SYNE2: variants seen among roughly 807,000 people sequenced by gnomAD.
The protein encoded by SYNE2 is nesprin-2.
Under a neutral mutation model 856.3 loss-of-function variants are expected in SYNE2, and 431 were observed. The observed-to-expected ratio is 0.50, with a 90% CI of 0.47 to 0.55. The LOEUF is 0.55. SYNE2 is among the 20% of genes least tolerant of loss of function. SYNE2 has a pLI of 0.00. For missense variants in SYNE2, 8,129 were observed against 8,023.2 expected (o/e 1.01, Z -0.50); for synonymous variants, 2,923 against 2,872.3 (o/e 1.02, Z -0.56).
intron 11 of SYNE2, among the ~76,000 whole-genome samples, chr14:63,976,162 G>A (rs2153465388): frequency 6.6e-6 from 1 of 152,230 alleles, no homozygotes; most frequent in Non-Finnish European, 1.5e-5. Context: ...GAGGGAAGAA[G>A]TTATAAATCT....
chr14:64,074,389 A>C (rs991085096), intron 53 of SYNE2, among the ~76,000 whole-genome samples: 3 of 152,210 alleles, frequency 2.0e-5, no homozygotes, highest in African/African-American at 7.2e-5. Flanking sequence ...GCCTTCTTTC[A>C]ACTATGTTTC....
intron 2 of SYNE2, among the ~76,000 whole-genome samples, chr14:63,913,495 C>G (rs949987690): frequency 6.9e-6 from 1 of 144,426 alleles, no homozygotes; most frequent in African/African-American, 2.6e-5. Context: ...CAGAATCTTG[C>G]TCTGTCACCC....
intron 1 of SYNE2, among the ~76,000 whole-genome samples, chr14:63,879,564 G>T (rs1196885293): frequency 2.6e-5 from 4 of 152,252 alleles, no homozygotes. Flanking sequence ...GGGTGGGAAA[G>T]CCGATCTGGC....
intron 98 of SYNE2, 106 bp from the exon 99 acceptor site, chr14:64,189,964 AT>A (rs11423254): frequency 0.14 from 163,734 of 1,142,200 alleles, 2 homozygotes; most frequent in Non-Finnish European, 0.15. Context: ...TGCCTGGCCA[AT>A]TTTTTTTTTT....
At chr14:63,956,688 T>A (rs952691130) in intron 8 of SYNE2, among the ~76,000 whole-genome samples, 1 of 152,106 alleles carries the variant, frequency 6.6e-6, no homozygotes, top group Non-Finnish European at 1.5e-5. Flanking sequence ...TTGAAAATAT[T>A]TGGAAAAAAA....
Position 63,990,925 on chromosome 14 carries a change from AT to A in SYNE2, c.2473-10del. On this transcript the variant is annotated splice_polypyrimidine_tract_variant and intron_variant, in intron 20 of 115. Transcript: ENST00000555002. ...AATTGGTCCCCGTGTTAATTTGAGA[AT>A]TTTTTTGTCTTCAAGATCAATGTGG... 3 of 1,612,626 alleles carry A rather than the reference AT, an allele frequency of 1.9e-6. No individual in the cohort carries two copies. The highest frequency in any genetic ancestry group is 2.5e-6 in the Non-Finnish European group (3 of 1,178,794).
At chr14:64,214,808 C>T (rs918783339) in intron 106 of SYNE2, among the ~76,000 whole-genome samples, 8 of 152,146 alleles carry the variant, frequency 5.3e-5, no homozygotes, top group African/African-American at 9.7e-5. Flanking sequence ...GGTGCGACCA[C>T]GGCTCATTGC....
In SYNE2 at chr14:64,225,499, G is replaced by A. The variant is rs2098715197; in HGVS notation, c.20697G>A (p.Arg6899=). The part of the protein sequence containing the change: ...NFARSFYPML[R]YTNGPPPT ...CCCGGTCCTTTTACCCCATGCTGAG[G>A]TACACCAATGGGCCACCCCCCACAT... is the stretch of plus-strand genomic sequence containing the variant. The change falls in exon 116 of 116, where the codon AGG becomes AGA. Residue 6899 remains arginine, a synonymous_variant. Coordinates refer to ENST00000555002, the MANE Select transcript of SYNE2 (RefSeq NM_182914.3). 4 of 1,614,064 alleles carry A rather than the reference G, an allele frequency of 2.5e-6. No individual in the cohort carries two copies. The East Asian group carries it at 6.7e-5, about 27-fold the overall frequency.
chr14:63,791,724 A>G (rs192499953), intron 1 of SYNE2, among the ~76,000 whole-genome samples: 1 of 152,196 alleles, frequency 6.6e-6, no homozygotes, highest in East Asian at 1.9e-4. Flanking sequence ...TGGGAGGATC[A>G]TGAGGTCAGG....
chr14:63,889,369 TGTG>T (rs988996127), intron 1 of SYNE2, among the ~76,000 whole-genome samples: 1 of 152,122 alleles, frequency 6.6e-6, no homozygotes, highest in African/African-American at 2.4e-5. Flanking sequence ...CTGGCTCTGT[TGTG>T]GTGGTGGTGT....
intron 82 of SYNE2, among the ~76,000 whole-genome samples, 163 bp downstream of exon 82, chr14:64,142,251 C>G (rs893692206): frequency 3.3e-5 from 5 of 152,130 alleles, no homozygotes; most frequent in Admixed American, 2.6e-4. Flanking sequence ...AGTAGACTTG[C>G]TTTTGTTCCA....
intron 1 of SYNE2, among the ~76,000 whole-genome samples, chr14:63,877,554 T>C (rs988421777): frequency 2.6e-5 from 4 of 152,194 alleles, no homozygotes; most frequent in Non-Finnish European, 5.9e-5. Flanking sequence ...ATCTCTACAT[T>C]TTAATACTGT....
chr14:64,110,423 G>A (rs2097796535), intron 65 of SYNE2, among the ~76,000 whole-genome samples: 1 of 152,180 alleles, frequency 6.6e-6, no homozygotes, highest in Non-Finnish European at 1.5e-5. Flanking sequence ...ATTCCAAAGT[G>A]TAGTGAAAGC....
At chr14:63,970,651 C>CTTTTTTTTT (rs61126600) in intron 11 of SYNE2, among the ~76,000 whole-genome samples, 33 of 98,886 alleles carry the variant, frequency 3.3e-4, no homozygotes, top group East Asian at 5.8e-4. Context: ...TTTCTTTTTT[C>CTTTTTTTTT]TTTTTTTTTT....
intron 59 of SYNE2, 132 bp from the exon 60 acceptor site, chr14:64,090,734 C>A (rs539532830): frequency 2.4e-6 from 2 of 830,930 alleles, no homozygotes; most frequent in Admixed American, 2.9e-5. Context: ...TAGTTCTTTT[C>A]AATCTGAGCT....
In SYNE2 at chr14:64,202,622, T is replaced by C. The variant is rs112478253; in HGVS notation, c.18039-179T>C. ...CAGCCTTGCAAAGCTTCACATATTCTCTGAGAACTCGTATCTGGTGACATG... is the reference window on the plus strand; with the variant it reads ...CAGCCTTGCAAAGCTTCACATATTCCCTGAGAACTCGTATCTGGTGACATG... On this transcript the variant is annotated intron_variant, in intron 99 of 115. Transcript: ENST00000555002. 8.3e-3 allele frequency among the ~76,000 whole-genome samples: 1,266 copies of C among 152,264 alleles called. 16 individuals are homozygous for C. Among genetic ancestry groups the C allele is most frequent in the African/African-American group, 0.028 (1,174 of 41,548 alleles).
At chr14:63,818,458 C>G (rs1428231166) in intron 1 of SYNE2, among the ~76,000 whole-genome samples, 2 of 151,832 alleles carry the variant, frequency 1.3e-5, no homozygotes, top group African/African-American at 4.8e-5. Flanking sequence ...TTAAAAGTTG[C>G]AGTGAGCTAT....
chr14:63,969,009 A>G (rs1030533431), intron 11 of SYNE2, among the ~76,000 whole-genome samples: 6 of 152,058 alleles, frequency 3.9e-5, no homozygotes, highest in Admixed American at 3.9e-4. Context: ...TCTGGTAATC[A>G]TCCTTCTACT....
chr14:64,067,198 CA>C (rs1290553183), intron 51 of SYNE2, among the ~76,000 whole-genome samples: 20 of 145,586 alleles, frequency 1.4e-4, no homozygotes, highest in South Asian at 2.2e-4. Flanking sequence ...GTAGCACAAG[CA>C]AAAAAAAAAT....
Sources: gnomAD v4.1 joint callset for allele counts (sites outside exome capture counted in the v4.1 genomes callset) on GRCh38, gnomAD v4.1.1 for gene constraint, MANE v1.5 for transcripts, NCBI Gene and HGNC (gene_info 2026-07-23, HGNC 2026-07-21) for gene names.